AK8: variants seen among roughly 807,000 people sequenced by gnomAD.
AK8 encodes ATP-AMP transphosphorylase 8.
A neutral mutation model predicts 54.6 loss-of-function variants in AK8; 44 were observed. The ratio of observed to expected loss-of-function variants is 0.81; its 90% confidence interval spans 0.63 to 1.04. The LOEUF is 1.04. Ranked by LOEUF, AK8 falls within the 50% of genes least tolerant of loss-of-function variation. The pLI, the probability that AK8 is intolerant of heterozygous loss-of-function variation, is 0.00. For missense variants in AK8, 555 were observed against 613.6 expected (o/e 0.90, Z 1.01); for synonymous variants, 239 against 245.6 (o/e 0.97, Z 0.25).
At chr9:132,752,935 G>C (rs1838014717) in intron 11 of AK8, among the ~76,000 whole-genome samples, 1 of 152,166 alleles carries the variant, frequency 6.6e-6, no homozygotes, top group Non-Finnish European at 1.5e-5. Context: ...CTGTTTATTT[G>C]TCTAACGTCG....
intron 3 of AK8, 136 bp from the exon 4 acceptor site, chr9:132,863,914 A>T: frequency 1.4e-6 from 1 of 691,812 alleles, no homozygotes; most frequent in Non-Finnish European, 2.4e-6. Flanking sequence ...TTCCAGCTGG[A>T]GGACGGCCAC....
intron 4 of AK8, among the ~76,000 whole-genome samples, chr9:132,859,115 T>A (rs1055780607): frequency 6.6e-6 from 1 of 152,162 alleles, no homozygotes; most frequent in African/African-American, 2.4e-5. Flanking sequence ...CAAGGCCAGC[T>A]GGAGATGGAG....
At chr9:132,779,106 A>G (rs764714275) in intron 11 of AK8, among the ~76,000 whole-genome samples, 21 of 152,136 alleles carry the variant, frequency 1.4e-4, no homozygotes, top group Non-Finnish European at 2.6e-4. Flanking sequence ...GAGAAAAAAT[A>G]TTTTTAAAAT....
intron 4 of AK8, among the ~76,000 whole-genome samples, chr9:132,857,552 AT>A (rs1321652225): frequency 1.3e-5 from 2 of 150,062 alleles, no homozygotes; most frequent in Non-Finnish European, 3.0e-5. Flanking sequence ...ATCCCCTTTC[AT>A]CCTTTCCCAG....
In AK8 at chr9:132,826,992, G is replaced by C; in HGVS notation, c.619C>G (p.Pro207Ala). 5 of 1,614,240 alleles carry C rather than the reference G, an allele frequency of 3.1e-6. No homozygotes were observed. Among genetic ancestry groups the C allele is most frequent in the Non-Finnish European group, 4.2e-6 (5 of 1,180,032 alleles). The change falls in exon 8 of 13, where the codon CCA becomes GCA. Residue 207 changes from proline to alanine, a missense_variant. Coordinates refer to ENST00000298545, the MANE Select transcript of AK8 (RefSeq NM_152572.3). The surrounding 1 kb of genome is among the most constrained non-coding windows in gnomAD (Gnocchi z 4.5). Reference sequence around the variant, plus strand: ...GTCTCCAGCTCTGAGATGTCCTCTGGCACCATGAGACGGTTCTGGATTTCA... The same window carrying C: ...GTCTCCAGCTCTGAGATGTCCTCTGCCACCATGAGACGGTTCTGGATTTCA... ...ESEIQNRLMV[P>A]EDISELETAQ... is the part of the protein sequence containing the mutation.
At chr9:132,850,115 G>A (rs1264188673) in intron 5 of AK8, among the ~76,000 whole-genome samples, 5 of 143,366 alleles carry the variant, frequency 3.5e-5, no homozygotes, top group African/African-American at 1.1e-4. Context: ...GTGCAGTGGC[G>A]TGATGTCGGC....
intron 5 of AK8, among the ~76,000 whole-genome samples, chr9:132,829,214 T>C (rs1022917652): frequency 3.3e-5 from 5 of 152,168 alleles, no homozygotes; most frequent in Non-Finnish European, 5.9e-5. Context: ...CACCTTGGCC[T>C]CCCAAAGTGC....
At chr9:132,765,483 T>G (rs1838689240) in intron 11 of AK8, among the ~76,000 whole-genome samples, 1 of 149,152 alleles carries the variant, frequency 6.7e-6, no homozygotes, top group Admixed American at 6.7e-5. Flanking sequence ...CCCTTCTTGA[T>G]AAAAACCCTT....
rs532171503 is a variant in AK8 at position 132,788,030 on chromosome 9, C to A, written c.1121+4604G>T. Among the ~76,000 whole-genome samples the A allele has an allele frequency of 1.2e-3, 175 of 141,850 alleles. 1 individual carries two copies. Among genetic ancestry groups the A allele is most frequent in the Non-Finnish European group, 1.5e-3 (100 of 64,694 alleles). The allele number at this position is 141,850 out of a possible 152,430, so 93.1% of individuals were successfully genotyped here. ...CAAACAGAAGAGGAATGGGAGTGAC[C>A]AAAAAAAAAACAACAACCTGAAACT... On this transcript the variant is annotated intron_variant, in intron 11 of 12. Transcript: ENST00000298545.
chr9:132,788,891 T>C (rs1446779694), intron 11 of AK8, among the ~76,000 whole-genome samples: 1 of 152,210 alleles, frequency 6.6e-6, no homozygotes, highest in African/African-American at 2.4e-5. Context: ...TTCTAATCCA[T>C]ATTATAGATG....
Position 132,860,360 on chromosome 9 carries a change from G to A in AK8, c.333+3305C>T, listed in dbSNP as rs1843336052. Among the ~76,000 whole-genome samples the A allele has an allele frequency of 6.6e-6, 1 of 152,190 alleles. No individual in the cohort carries two copies. Among genetic ancestry groups the A allele is most frequent in the Admixed American group, 6.5e-5 (1 of 15,286 alleles). The stretch of plus-strand genomic sequence containing the variant: ...TACTGAAAAAGGGCCCTTATCTTTG[G>A]GTTGCGGAAATAAATGAAGACCTCC... On this transcript the variant is annotated intron_variant, in intron 4 of 12. Coordinates refer to ENST00000298545, the MANE Select transcript of AK8 (RefSeq NM_152572.3). The surrounding 1 kb of genome is among the most constrained non-coding windows in gnomAD (Gnocchi z 4.4).
chr9:132,865,338 C>G (rs1025870236), intron 3 of AK8, among the ~76,000 whole-genome samples: 1 of 152,192 alleles, frequency 6.6e-6, no homozygotes, highest in Non-Finnish European at 1.5e-5. Flanking sequence ...CATTTTAACT[C>G]CTTTTCAGAA....
chr9:132,788,679 G>A (rs1839819185), intron 11 of AK8, among the ~76,000 whole-genome samples: 1 of 152,190 alleles, frequency 6.6e-6, no homozygotes, highest in African/African-American at 2.4e-5. Flanking sequence ...CAAGAAAAGA[G>A]AGAAATTCGA....
intron 11 of AK8, among the ~76,000 whole-genome samples, chr9:132,761,806 C>G (rs1057330116): frequency 2.6e-5 from 4 of 151,288 alleles, no homozygotes; most frequent in Admixed American, 2.6e-4. Flanking sequence ...TTCCCTCCCT[C>G]CCTCCTTCTC....
chr9:132,820,144 G>GA (rs35984099), intron 9 of AK8, among the ~76,000 whole-genome samples: 22,256 of 72,364 alleles, frequency 0.31, 3,669 homozygotes, highest in African/African-American at 0.46. Flanking sequence ...AGTAAGACCC[G>GA]AAAAAAAAAA....
intron 9 of AK8, among the ~76,000 whole-genome samples, chr9:132,821,770 T>C (rs866568207): frequency 0.016 from 1,746 of 111,482 alleles, 36 homozygotes; most frequent in Admixed American, 0.03. Context: ...TACATATATG[T>C]ATATGTGTAT....
chr9:132,805,655 G>A (rs942731543), intron 10 of AK8, among the ~76,000 whole-genome samples: 5 of 152,064 alleles, frequency 3.3e-5, no homozygotes, highest in African/African-American at 9.7e-5. Flanking sequence ...AAGGACCCTC[G>A]GGGGCACAAA....
intron 5 of AK8, among the ~76,000 whole-genome samples, chr9:132,842,479 G>A (rs149239002): frequency 1.6e-3 from 237 of 150,992 alleles, no homozygotes; most frequent in African/African-American, 4.2e-3. Context: ...GTAACAGGCA[G>A]GTCGGCCTCA....
At chr9:132,867,027 G>A in intron 2 of AK8, 74 bp from the exon 3 acceptor site, 1 of 1,424,010 alleles carries the variant, frequency 7.0e-7, no homozygotes, top group Non-Finnish European at 9.9e-7. Context: ...TACTCGGGGT[G>A]TACTTATTTC....
Sources: gnomAD v4.1 joint callset for allele counts (sites outside exome capture counted in the v4.1 genomes callset) on GRCh38, gnomAD v4.1.1 for gene constraint, Gnocchi (gnomAD v3.1) non-coding constraint, MANE v1.5 for transcripts, NCBI Gene and HGNC (gene_info 2026-07-23, HGNC 2026-07-21) for gene names.